Variants in TENM3 observed in about 807,000 individuals in gnomAD.
TENM3 encodes teneurin transmembrane protein 3.
A neutral mutation model predicts 255.1 loss-of-function variants in TENM3; 63 were observed. The observed-to-expected ratio is 0.25, with a 90% CI of 0.20 to 0.30. The LOEUF is 0.30. Ranked by LOEUF, TENM3 falls within the 10% of genes least tolerant of loss-of-function variation. The pLI, the probability that TENM3 is intolerant of heterozygous loss-of-function variation, is 1.00. For missense variants in TENM3, 2,929 were observed against 3,461.1 expected (o/e 0.85, Z 3.86); for synonymous variants, 1,306 against 1,322.3 (o/e 0.99, Z 0.27).
chr4:182,440,756 C>T (rs184982864), intron 3 of TENM3, among the ~76,000 whole-genome samples: 1 of 151,518 alleles, frequency 6.6e-6, no homozygotes, highest in East Asian at 1.9e-4. Context: ...AAATGGTGAC[C>T]AGCTGCTCCT....
rs1056107062 is a variant in TENM3, at chr4:182,679,174, A to G, written c.1327-492A>G. On this transcript the variant is annotated intron_variant, in intron 7 of 27. Transcript: ENST00000511685. ...GTATACCTATGTAACAAACCAGCAC[A>G]TTCTGCACATGTACCCCAGAACTTA... Among the ~76,000 whole-genome samples the G allele has an allele frequency of 9.9e-5, 15 of 151,948 alleles. 1 individual carries two copies. Among genetic ancestry groups the G allele is most frequent in the African/African-American group, 9.7e-5 (4 of 41,414 alleles).
the TENM3 span, among the ~76,000 whole-genome samples, chr4:181,803,733 C>G: frequency 1.3e-5 from 2 of 151,726 alleles, no homozygotes; most frequent in Non-Finnish European, 2.9e-5. Flanking sequence ...GAGTTTGAGA[C>G]CAGCCTGGGC....
the TENM3 span, among the ~76,000 whole-genome samples, chr4:182,071,810 C>A: frequency 1.3e-5 from 2 of 152,086 alleles, no homozygotes; most frequent in African/African-American, 4.8e-5. Flanking sequence ...TGTCGAACAC[C>A]AGGGATGGTT....
At chr4:181,972,027 T>A in the TENM3 span, among the ~76,000 whole-genome samples, 2 of 152,100 alleles carry the variant, frequency 1.3e-5, no homozygotes, top group African/African-American at 4.8e-5. Context: ...CATCAGTTTT[T>A]TTTTTTTCTC....
At chr4:182,622,665 G>A (rs993930761) in intron 4 of TENM3, among the ~76,000 whole-genome samples, 1 of 152,132 alleles carries the variant, frequency 6.6e-6, no homozygotes, top group Non-Finnish European at 1.5e-5. Flanking sequence ...CTTATTTATT[G>A]CTATTTTATA....
rs764466452 is a variant in TENM3, at chr4:182,754,635, A to C, written c.4268A>C (p.Glu1423Ala). Reference protein sequence around the residue: ...SGVLYITETDEKKINRIRQVT... With the variant: ...SGVLYITETDAKKINRIRQVT... The stretch of plus-strand genomic sequence containing the variant: ...GTCCTGTACATTACTGAAACTGATG[A>C]GAAGAAAATTAACCGGATAAGGCAG... Residue 1423 changes from glutamate (E) to alanine (A), a missense_variant, in exon 22 of 28, where the codon GAG (glutamate) becomes GCG (alanine). Around this residue, in one of 6 missense-constraint regions of TENM3, gnomAD observed 1,608 missense variants for 1,884.4 expected, o/e 0.85. Transcript: ENST00000511685. The surrounding 1 kb of genome is among the most constrained non-coding windows in gnomAD (Gnocchi z 5.1). The C allele has an allele frequency of 6.2e-7, 1 of 1,614,008 alleles. No homozygotes were observed. Among genetic ancestry groups the C allele is most frequent in the South Asian group, 1.1e-5 (1 of 91,086 alleles).
At chr4:182,610,682 C>CT (rs1339149325) in intron 4 of TENM3, among the ~76,000 whole-genome samples, 2 of 151,518 alleles carry the variant, frequency 1.3e-5, no homozygotes, top group East Asian at 1.9e-4. Context: ...GACCCTCTCT[C>CT]TATTTTTTTC....
the TENM3 span, among the ~76,000 whole-genome samples, chr4:181,729,638 C>T: frequency 6.6e-6 from 1 of 152,166 alleles, no homozygotes; most frequent in Non-Finnish European, 1.5e-5. Context: ...GGACGTAAGC[C>T]TCTTTCACGT....
intron 1 of TENM3, among the ~76,000 whole-genome samples, chr4:182,315,364 C>T (rs1299544509): frequency 3.3e-5 from 5 of 150,714 alleles, no homozygotes; most frequent in African/African-American, 1.2e-4. Context: ...TTTATTTCAC[C>T]TTCATTTTTG....
At chr4:181,458,115 TAAC>T in the TENM3 span, among the ~76,000 whole-genome samples, 1 of 151,964 alleles carries the variant, frequency 6.6e-6, no homozygotes, top group Non-Finnish European at 1.5e-5. Flanking sequence ...AAGGGAATAA[TAAC>T]CTTCTAATCT....
chr4:182,075,412 A>G, the TENM3 span, among the ~76,000 whole-genome samples: 5 of 151,886 alleles, frequency 3.3e-5, no homozygotes, highest in Admixed American at 2.0e-4. Flanking sequence ...GTTGGCCAGG[A>G]TGGTCTCGAT....
At position 182,793,349 on chromosome 4, in the gene TENM3, T is replaced by G. The variant is rs1766251369; in HGVS notation, c.6677T>G (p.Ile2226Ser). Residue 2226 changes from isoleucine to serine, a missense_variant, in exon 26 of 28, where the codon ATC (isoleucine) becomes AGC (serine). This residue lies in a region of TENM3 where 256 missense variants were observed against 389.3 expected (regional missense o/e 0.66). Coordinates refer to ENST00000511685, the MANE Select transcript of TENM3 (RefSeq NM_001080477.4). The surrounding 1 kb of genome is among the most constrained non-coding windows in gnomAD (Gnocchi z 5.7). ...VYSKGSGWTV[I>S]YRYDGLGRRV... Reference sequence around the variant, plus strand: ...AGTAAAGGCAGTGGCTGGACAGTGATCTACCGTTATGACGGCCTGGGAAGG... The same window carrying G: ...AGTAAAGGCAGTGGCTGGACAGTGAGCTACCGTTATGACGGCCTGGGAAGG... The G allele has an allele frequency of 6.2e-7, 1 of 1,613,660 alleles. No homozygotes were observed. The highest frequency in any genetic ancestry group is 1.7e-5 in the Admixed American group (1 of 59,990).
the TENM3 span, among the ~76,000 whole-genome samples, chr4:181,856,081 AGG>A: frequency 8.1e-5 from 11 of 135,494 alleles, no homozygotes; most frequent in South Asian, 5.1e-4. Context: ...GGAAGAAGGA[AGG>A]AAGGAAGGAA....
chr4:182,413,105 A>C lies in TENM3; in HGVS notation c.511+66176A>C, dbSNP rs534566433. On this transcript the variant is annotated intron_variant, in intron 3 of 27. Transcript: ENST00000511685. ...AAGATTGAAAAAATGAGAGCAAATA[A>C]GAAACATGAAGGATGAAATGATAGT... Among the ~76,000 whole-genome samples, 7 of 152,208 alleles carry C rather than the reference A, an allele frequency of 4.6e-5. No individual in the cohort carries two copies. In the East Asian group the frequency reaches 1.4e-3, roughly 29 times the overall value.
chr4:181,978,681 AC>A, the TENM3 span, among the ~76,000 whole-genome samples: 1 of 150,664 alleles, frequency 6.6e-6, no homozygotes, highest in African/African-American at 2.4e-5. Context: ...AAAAAAAAAA[AC>A]CAGAGCAAAA....
chr4:181,877,127 G>A, the TENM3 span: 1 of 152,026 alleles, frequency 6.6e-6, no homozygotes, highest in Non-Finnish European at 1.5e-5. Context: ...GTGATCTAGT[G>A]AAATGTGTAA....
At chr4:182,777,885 T>TA (rs1157844400) in intron 24 of TENM3, among the ~76,000 whole-genome samples, 1 of 149,050 alleles carries the variant, frequency 6.7e-6, no homozygotes, top group Non-Finnish European at 1.5e-5. Flanking sequence ...GTTTAAAAAG[T>TA]AAAAAAGGCA....
At chr4:182,669,986 T>C (rs1231423865) in intron 6 of TENM3, among the ~76,000 whole-genome samples, 2 of 152,156 alleles carry the variant, frequency 1.3e-5, no homozygotes, top group African/African-American at 4.8e-5. Flanking sequence ...AAAAGCTCCT[T>C]CATGACAAAT....
chr4:182,566,434 A>C, intron 3 of TENM3, among the ~76,000 whole-genome samples: 1 of 152,212 alleles, frequency 6.6e-6, no homozygotes, highest in East Asian at 1.9e-4. Context: ...CATAACCCAC[A>C]GCCTAGGGAC....
Sources: allele counts gnomAD v4.1 joint callset (sites outside exome capture counted in the v4.1 genomes callset), GRCh38; gene constraint gnomAD v4.1.1; regional missense constraint gnomAD v4.1.1; non-coding constraint Gnocchi (gnomAD v3.1); transcripts MANE v1.5; gene names NCBI Gene and HGNC (gene_info 2026-07-23, HGNC 2026-07-21).